PTPRD: variants seen among roughly 807,000 people sequenced by gnomAD.
PTPRD encodes the protein protein tyrosine phosphatase receptor type D.
In PTPRD, 34 loss-of-function variants were observed where a neutral mutation model predicts 214.5. The ratio of observed to expected loss-of-function variants is 0.16; its 90% CI spans 0.12 to 0.21. The LOEUF is 0.21. Among genes scored for constraint, PTPRD ranks in the 10% least tolerant of loss-of-function variants. PTPRD has a pLI of 1.00. For synonymous variants in PTPRD, 1,128 were observed against 845.7 expected, an observed-to-expected ratio of 1.33 and a Z score of -5.79; for missense variants, 2,545 against 2,398.7, an observed-to-expected ratio of 1.06 and a Z score of -1.27.
chr9:8,747,679 C>G (rs1453056523), intron 11 of PTPRD, among the ~76,000 whole-genome samples: 4 of 152,142 alleles, frequency 2.6e-5, no homozygotes, highest in Admixed American at 1.3e-4. Context: ...TTCCTCCCCT[C>G]AGGATGGCTA....
intron 4 of PTPRD, among the ~76,000 whole-genome samples, chr9:9,957,764 G>C (rs1325568850): frequency 6.6e-6 from 1 of 152,068 alleles, no homozygotes; most frequent in East Asian, 1.9e-4. Flanking sequence ...TTGGAAGACT[G>C]TCACAACCTG....
intron 2 of PTPRD, among the ~76,000 whole-genome samples, chr9:10,489,993 GA>G (rs1179385476): frequency 6.6e-6 from 1 of 152,152 alleles, no homozygotes; most frequent in African/African-American, 2.4e-5. Flanking sequence ...TGGTTCTTAT[GA>G]AGGCGCATTG....
chr9:10,306,373 T>C (rs2096069414), intron 3 of PTPRD, among the ~76,000 whole-genome samples: 1 of 151,980 alleles, frequency 6.6e-6, no homozygotes, highest in Admixed American at 6.6e-5. Flanking sequence ...TGTATACCTA[T>C]GTAACAAACC....
intron 11 of PTPRD, among the ~76,000 whole-genome samples, chr9:8,759,177 C>G (rs187385463): frequency 1.3e-5 from 2 of 151,988 alleles, no homozygotes; most frequent in African/African-American, 4.8e-5. Flanking sequence ...ATGACAGACA[C>G]GTACCACCTT....
rs115539944 is a variant in PTPRD, at chr9:8,822,833, A to G, written c.-103-88887T>C. ...CCCCCTCCCATCCCCCAAAACCACCAGTGCTGCAGTCATTTACTTAAGCTA... is the reference window on the plus strand; with the variant it reads ...CCCCCTCCCATCCCCCAAAACCACCGGTGCTGCAGTCATTTACTTAAGCTA... On this transcript the variant is annotated intron_variant, in intron 11 of 45. Coordinates refer to ENST00000381196, the MANE Select transcript of PTPRD (RefSeq NM_002839.4). Among the ~76,000 whole-genome samples the G allele has an allele frequency of 2.9e-3, 434 of 152,092 alleles. 3 individuals carry two copies. The highest frequency in any genetic ancestry group is 9.3e-3 in the African/African-American group (386 of 41,526).
At chr9:9,775,938 G>C (rs532025601) in intron 5 of PTPRD, among the ~76,000 whole-genome samples, 4 of 107,306 alleles carry the variant, frequency 3.7e-5, no homozygotes, top group African/African-American at 1.1e-4. Flanking sequence ...CTGGGCAACA[G>C]AGCAAGACTC....
chr9:10,306,784 C>T (rs1360775588), intron 3 of PTPRD, among the ~76,000 whole-genome samples: 2 of 152,076 alleles, frequency 1.3e-5, no homozygotes, highest in Admixed American at 1.3e-4. Flanking sequence ...TGTGTGTATT[C>T]TAAATGAACT....
chr9:9,489,852 G>T (rs1221801684), intron 8 of PTPRD, among the ~76,000 whole-genome samples: 1 of 151,972 alleles, frequency 6.6e-6, no homozygotes, highest in East Asian at 1.9e-4. Context: ...ATGAAATAGA[G>T]TCTAAAATGT....
At chr9:9,146,439 T>G (rs2099868751) in intron 10 of PTPRD, among the ~76,000 whole-genome samples, 1 of 151,926 alleles carries the variant, frequency 6.6e-6, no homozygotes, top group Non-Finnish European at 1.5e-5. Context: ...GGCTCAGGAG[T>G]CTGCCTTTTA....
At position 9,667,705 on chromosome 9, in the gene PTPRD, G is replaced by A. The variant is rs141083897; in HGVS notation, c.-287+66828C>T. On this transcript the variant is annotated intron_variant, in intron 7 of 45. Transcript: ENST00000381196. ...TGCAACATACTGCTGAATGTTTAGA[G>A]AACTGGTCACCAAGCATTAGCGTAC... 6.8e-3 allele frequency among the ~76,000 whole-genome samples: 1,039 copies of A among 152,234 alleles called. 7 individuals carry two copies. The highest frequency in any genetic ancestry group is 9.6e-3 in the Non-Finnish European group (655 of 68,000).
chr9:8,887,436 G>A (rs1372445516), intron 11 of PTPRD, among the ~76,000 whole-genome samples: 2 of 152,176 alleles, frequency 1.3e-5, no homozygotes, highest in Non-Finnish European at 2.9e-5. Context: ...TTCAGTCACT[G>A]GGTGAGCAAA....
intron 33 of PTPRD, among the ~76,000 whole-genome samples, chr9:8,454,392 C>A (rs1434676784): frequency 6.6e-6 from 1 of 152,092 alleles, no homozygotes; most frequent in Non-Finnish European, 1.5e-5. Flanking sequence ...CTAATGTAAA[C>A]AAAATATTTA....
intron 2 of PTPRD, among the ~76,000 whole-genome samples, chr9:10,381,516 C>A (rs925338540): frequency 1.3e-4 from 20 of 151,942 alleles, no homozygotes; most frequent in African/African-American, 4.8e-4. Context: ...ATGGTCCTCC[C>A]AAAATGATTC....
At chr9:9,002,208 GA>G (rs1329742588) in intron 11 of PTPRD, among the ~76,000 whole-genome samples, 2 of 151,746 alleles carry the variant, frequency 1.3e-5, no homozygotes, top group Admixed American at 6.6e-5. Flanking sequence ...GGTAAAGAGA[GA>G]AACAAAATAT....
At chr9:9,597,302 G>C (rs677243) in intron 7 of PTPRD, among the ~76,000 whole-genome samples, 59,060 of 151,772 alleles carry the variant, frequency 0.39, 12,471 homozygotes, top group Non-Finnish European at 0.48. Flanking sequence ...AGTTAACAAT[G>C]TTCATAGCTA....
chr9:9,690,365 T>G (rs1816553266), intron 7 of PTPRD, among the ~76,000 whole-genome samples: 1 of 151,924 alleles, frequency 6.6e-6, no homozygotes, highest in Non-Finnish European at 1.5e-5. Flanking sequence ...TCTGAAGTCC[T>G]TATATTCTGA....
intron 28 of PTPRD, 65 bp from the exon 29 acceptor site, chr9:8,485,389 C>A: frequency 1.7e-6 from 2 of 1,147,674 alleles, no homozygotes; most frequent in Non-Finnish European, 2.6e-6. Flanking sequence ...TCCTTTCCAC[C>A]ATGGACCATA....
At chr9:8,942,810 TA>T (rs1296664305) in intron 11 of PTPRD, among the ~76,000 whole-genome samples, 1 of 151,930 alleles carries the variant, frequency 6.6e-6, no homozygotes. Flanking sequence ...CACAATTTTT[TA>T]AAAAAAATTT....
At chr9:8,579,660 G>A (rs556422428) in intron 14 of PTPRD, among the ~76,000 whole-genome samples, 12 of 152,336 alleles carry the variant, frequency 7.9e-5, no homozygotes, top group Non-Finnish European at 1.3e-4. Context: ...TTACATAAAG[G>A]TATTATCAAA....
Sources: allele counts gnomAD v4.1 joint callset (sites outside exome capture counted in the v4.1 genomes callset), GRCh38; gene constraint gnomAD v4.1.1; transcripts MANE v1.5; gene names NCBI Gene and HGNC (gene_info 2026-07-23, HGNC 2026-07-21).